Variants in TEX264 observed in about 807,000 individuals in gnomAD.
TEX264 encodes the protein testis expressed 264, ER-phagy receptor, also known as testis-expressed protein 264.
A neutral mutation model predicts 23.4 loss-of-function variants in TEX264; 13 were observed. The ratio of observed to expected loss-of-function variants is 0.56; its 90% CI spans 0.36 to 0.88. The LOEUF is 0.88. TEX264 is among the 40% of genes least tolerant of loss of function. The pLI, the probability that TEX264 is intolerant of heterozygous loss-of-function variation, is 0.01. For missense variants in TEX264, 340 were observed against 406.8 expected, an observed-to-expected ratio of 0.84 and a Z score of 1.41; for synonymous variants, 159 against 170.0, an observed-to-expected ratio of 0.94 and a Z score of 0.50.
intron 3 of TEX264, among the ~76,000 whole-genome samples, chr3:51,690,671 A>G (rs1049899840): frequency 6.6e-6 from 1 of 152,066 alleles, no homozygotes; most frequent in African/African-American, 2.4e-5. Flanking sequence ...AAGCTTCCAA[A>G]CTTTATTTTT....
At chr3:51,693,534 C>T (rs538917441) in intron 3 of TEX264, among the ~76,000 whole-genome samples, 3 of 142,342 alleles carry the variant, frequency 2.1e-5, no homozygotes, top group South Asian at 2.2e-4. Flanking sequence ...GGCTGGAGTG[C>T]GGTGGCACGA....
intron 3 of TEX264, among the ~76,000 whole-genome samples, chr3:51,688,258 A>G (rs994739719): frequency 2.0e-5 from 3 of 152,188 alleles, no homozygotes; most frequent in Admixed American, 2.0e-4. Flanking sequence ...CAGAGGGGAG[A>G]TGGGGCCCAG....
intron 3 of TEX264, among the ~76,000 whole-genome samples, chr3:51,692,637 C>A (rs1263113002): frequency 1.3e-5 from 2 of 152,256 alleles, no homozygotes; most frequent in Non-Finnish European, 2.9e-5. Context: ...GCTGGATAAT[C>A]ATCAGCAACC....
intron 3 of TEX264, among the ~76,000 whole-genome samples, chr3:51,687,753 C>T (rs1366331641): frequency 2.0e-5 from 3 of 152,048 alleles, no homozygotes; most frequent in East Asian, 1.9e-4. Flanking sequence ...ATCTTAGCTT[C>T]GGGTTTGGGA....
chr3:51,679,673 G>T (rs1407408648), intron 2 of TEX264, among the ~76,000 whole-genome samples: 1 of 152,208 alleles, frequency 6.6e-6, no homozygotes, highest in Non-Finnish European at 1.5e-5. Context: ...CTTATGCTTG[G>T]AAGGCAGAGT....
At chr3:51,699,641 G>A in intron 4 of TEX264, 67 bp downstream of exon 4, 1 of 1,566,566 alleles carries the variant, frequency 6.4e-7, no homozygotes, top group East Asian at 2.3e-5. Flanking sequence ...CCAGGGGCTT[G>A]GTTGAGGAGG....
At chr3:51,702,244 G>A (rs1040040178) in intron 4 of TEX264, among the ~76,000 whole-genome samples, 2 of 152,182 alleles carry the variant, frequency 1.3e-5, no homozygotes, top group African/African-American at 4.8e-5. Flanking sequence ...GGAGCAGTGA[G>A]GGCCTGGCAT....
chr3:51,678,731 C>T (rs1702318627), intron 2 of TEX264, among the ~76,000 whole-genome samples: 1 of 152,198 alleles, frequency 6.6e-6, no homozygotes, highest in Non-Finnish European at 1.5e-5. Flanking sequence ...ATGACCACAG[C>T]CTCACAGAGG....
intron 2 of TEX264, among the ~76,000 whole-genome samples, chr3:51,679,459 C>T (rs1037904822): frequency 6.6e-6 from 1 of 152,190 alleles, no homozygotes; most frequent in East Asian, 1.9e-4. Flanking sequence ...CATTGTGCAG[C>T]CCGCTTTCAC....
chr3:51,684,039 T>G, intron 2 of TEX264: 2 of 269,054 alleles, frequency 7.4e-6, no homozygotes, highest in East Asian at 1.0e-4. Flanking sequence ...GAGGGTCTTA[T>G]GGTGGGGTGG....
intron 2 of TEX264, among the ~76,000 whole-genome samples, chr3:51,679,962 T>C (rs972542944): frequency 6.6e-6 from 1 of 152,176 alleles, no homozygotes; most frequent in Admixed American, 6.5e-5. Flanking sequence ...TGTTGACCTG[T>C]AGCACCTAGG....
chr3:51,679,027 G>A (rs1702330114), intron 2 of TEX264, among the ~76,000 whole-genome samples: 2 of 152,204 alleles, frequency 1.3e-5, no homozygotes, highest in Admixed American at 1.3e-4. Context: ...ATGTGGGACA[G>A]GTCTGGAAGC....
chr3:51,671,253 T>C lies in TEX264; in HGVS notation c.-70T>C, dbSNP rs1702028760. The C allele has an allele frequency of 1.3e-5, 2 of 152,044 alleles. No homozygotes were observed. The allele number at this position is 152,044 out of a possible 1,614,324, so 9.4% of individuals were successfully genotyped here. On this transcript the variant is annotated 5_prime_UTR_variant, in exon 1 of 5. Coordinates refer to ENST00000341333, the MANE Select transcript of TEX264 (RefSeq NM_015926.6). ...CTCCGTAACCGAACCCTGAGCCGCC[T>C]GCGCGGATCGGCGTCCGCAGCGGGC...
At chr3:51,673,920 T>C (rs1020542626) in intron 1 of TEX264, among the ~76,000 whole-genome samples, 1 of 152,102 alleles carries the variant, frequency 6.6e-6, no homozygotes, top group South Asian at 2.1e-4. Flanking sequence ...TGGTATCTGG[T>C]ACATCTTCGG....
chr3:51,703,934 C>CA lies in TEX264; in HGVS notation c.861dup (p.Arg288ThrfsTer7). 1 of 1,600,194 alleles carries CA rather than the reference C, an allele frequency of 6.2e-7. No homozygotes were observed. On this transcript the variant is annotated frameshift_variant, in exon 5 of 5. Coordinates refer to ENST00000341333, the MANE Select transcript of TEX264 (RefSeq NM_015926.6). LOFTEE classifies it low-confidence loss of function (END_TRUNC). The surrounding 1 kb of genome is among the most constrained non-coding windows in gnomAD (Gnocchi z 4.8). ...GAGGGCGAGGGGCCCTTAGGGGAGTCACGGCTGGACCCTGGGACTGAGCCC... is the reference window on the plus strand; with the variant it reads ...GAGGGCGAGGGGCCCTTAGGGGAGTCAACGGCTGGACCCTGGGACTGAGCCC...
intron 3 of TEX264, among the ~76,000 whole-genome samples, chr3:51,688,284 A>G (rs1702697978): frequency 6.6e-6 from 1 of 152,234 alleles, no homozygotes; most frequent in African/African-American, 2.4e-5. Flanking sequence ...AGCCCAGAGC[A>G]ATGGGCAGAG....
chr3:51,688,627 T>C (rs1020537877), intron 3 of TEX264, among the ~76,000 whole-genome samples: 4 of 152,154 alleles, frequency 2.6e-5, no homozygotes, highest in African/African-American at 7.2e-5. Flanking sequence ...GTTTAGGGTG[T>C]TACAGGGCAT....
In TEX264 at chr3:51,703,514, C is replaced by T; in HGVS notation, c.650-210C>T. Among the ~76,000 whole-genome samples the T allele has an allele frequency of 6.6e-6, 1 of 150,586 alleles. No individual in the cohort carries two copies. Among genetic ancestry groups the T allele is most frequent in the African/African-American group, 2.5e-5 (1 of 39,960 alleles). The stretch of plus-strand genomic sequence containing the variant: ...CCTCCCACCCTCTCTCCCTCCCTCC[C>T]TCCTTCCCTCCCTCCCTTCCTCCCA... On this transcript the variant is annotated intron_variant, in intron 4 of 4. Coordinates refer to ENST00000341333, the MANE Select transcript of TEX264 (RefSeq NM_015926.6). The surrounding 1 kb of genome is among the most constrained non-coding windows in gnomAD (Gnocchi z 4.8).
chr3:51,679,185 CTGAGTA>C (rs1302098344), intron 2 of TEX264, among the ~76,000 whole-genome samples: 1 of 152,176 alleles, frequency 6.6e-6, no homozygotes, highest in Admixed American at 6.5e-5. Flanking sequence ...CTTGGCCTGT[CTGAGTA>C]TGTCTCCTCA....
Sources: gnomAD v4.1 joint callset for allele counts (sites outside exome capture counted in the v4.1 genomes callset) on GRCh38, gnomAD v4.1.1 for gene constraint, Gnocchi (gnomAD v3.1) non-coding constraint, MANE v1.5 for transcripts, NCBI Gene and HGNC (gene_info 2026-07-23, HGNC 2026-07-21) for gene names.